The following PDE3A variants were observed in gnomAD, a reference collection of about 807,000 sequenced individuals.
The protein encoded by PDE3A is phosphodiesterase 3A, also known as cGMP-inhibited 3',5'-cyclic phosphodiesterase 3A.
In PDE3A, 43 loss-of-function variants were observed where a neutral mutation model predicts 98.3. The ratio of observed to expected loss-of-function variants is 0.44; its 90% CI spans 0.34 to 0.56. PDE3A has a LOEUF of 0.56. Among genes scored for constraint, PDE3A ranks in the 20% least tolerant of loss-of-function variants. PDE3A has a pLI of 0.01. For synonymous variants in PDE3A, 663 were observed against 567.9 expected, an observed-to-expected ratio of 1.17 and a Z score of -2.38; for missense variants, 1,427 against 1,440.7, an observed-to-expected ratio of 0.99 and a Z score of 0.15.
chr12:20,657,566 A>C (rs1365973583), intron 15 of PDE3A, among the ~76,000 whole-genome samples: 1 of 152,186 alleles, frequency 6.6e-6, no homozygotes, highest in Non-Finnish European at 1.5e-5. Context: ...CCTACAGTGA[A>C]CTAAGAGGTT....
chr12:20,369,821 C>G lies in PDE3A; in HGVS notation c.537C>G (p.Gly179=). ...GGEALVQIGL[G]VGEDHLLSLP... is the part of the protein sequence containing the mutation. ...AAGCGCTCGTCCAGATTGGGCTGGG[C>G]GTCGGGGAGGATCACTTACTCTCAC... is the stretch of plus-strand genomic sequence containing the variant. The change falls in exon 1 of 16, where the codon GGC becomes GGG. Residue 179 remains glycine, a synonymous_variant. Coordinates refer to ENST00000359062, the MANE Select transcript of PDE3A (RefSeq NM_000921.5). The G allele has an allele frequency of 6.2e-7, 1 of 1,611,486 alleles. No homozygotes were observed. The highest frequency in any genetic ancestry group is 8.5e-7 in the Non-Finnish European group (1 of 1,179,360).
chr12:20,576,749 A>T (rs1942940705), intron 2 of PDE3A, among the ~76,000 whole-genome samples: 1 of 152,144 alleles, frequency 6.6e-6, no homozygotes, highest in East Asian at 1.9e-4. Flanking sequence ...CAGTTACAGA[A>T]AAGATATTGA....
intron 1 of PDE3A, among the ~76,000 whole-genome samples, chr12:20,541,888 T>C (rs1941921920): frequency 6.6e-6 from 1 of 152,126 alleles, no homozygotes; most frequent in African/African-American, 2.4e-5. Context: ...AGTCTTATAA[T>C]AAATTACTTT....
At chr12:20,667,426 A>T (rs1013837250) in intron 15 of PDE3A, among the ~76,000 whole-genome samples, 1 of 152,090 alleles carries the variant, frequency 6.6e-6, no homozygotes, top group African/African-American at 2.4e-5. Context: ...TTAAGTCTTT[A>T]ATCTATCTTG....
chr12:20,642,648 C>G (rs529088297), intron 10 of PDE3A, among the ~76,000 whole-genome samples: 5 of 152,212 alleles, frequency 3.3e-5, no homozygotes, highest in Admixed American at 6.5e-5. Flanking sequence ...GGGAGAATGC[C>G]TCAGAAGTAC....
chr12:20,420,829 A>G (rs905569997), intron 1 of PDE3A, among the ~76,000 whole-genome samples: 13 of 152,194 alleles, frequency 8.5e-5, no homozygotes, highest in African/African-American at 2.7e-4. Context: ...CAGATTACAC[A>G]TAAGTTATTG....
At chr12:20,663,490 C>T (rs1016132146) in intron 15 of PDE3A, among the ~76,000 whole-genome samples, 4 of 152,066 alleles carry the variant, frequency 2.6e-5, no homozygotes, top group African/African-American at 9.7e-5. Flanking sequence ...GCAAAGCTGC[C>T]CAAGGCTGTG....
At chr12:20,615,016 CTTTTTTTTTTTTTT>C (rs11313010) in intron 3 of PDE3A, among the ~76,000 whole-genome samples, 1 of 59,128 alleles carries the variant, frequency 1.7e-5, no homozygotes, top group Non-Finnish European at 3.1e-5. Flanking sequence ...TTCTCTCTTT[CTTTTTTTTTTTTTT>C]TTTTTTTTTG....
At chr12:20,569,934 G>A (rs985597005) in intron 2 of PDE3A, among the ~76,000 whole-genome samples, 5 of 152,072 alleles carry the variant, frequency 3.3e-5, no homozygotes, top group African/African-American at 7.2e-5. Flanking sequence ...ATTCTGCACT[G>A]GCCAGATGAC....
At chr12:20,613,803 G>A in intron 3 of PDE3A, 103 bp downstream of exon 3, 1 of 796,180 alleles carries the variant, frequency 1.3e-6, no homozygotes, top group Non-Finnish European at 2.0e-6. Context: ...ATTCATATCA[G>A]TGACTCAGGC....
At chr12:20,663,513 T>G (rs1945233314) in intron 15 of PDE3A, among the ~76,000 whole-genome samples, 1 of 152,168 alleles carries the variant, frequency 6.6e-6, no homozygotes, top group Admixed American at 6.5e-5. Flanking sequence ...AGCACACCTC[T>G]TGCATCATTT....
At chr12:20,602,894 G>A (rs1187788662) in intron 2 of PDE3A, among the ~76,000 whole-genome samples, 1 of 152,136 alleles carries the variant, frequency 6.6e-6, no homozygotes, top group African/African-American at 2.4e-5. Context: ...TCCTATGAAA[G>A]TATAAACACA....
intron 2 of PDE3A, among the ~76,000 whole-genome samples, chr12:20,576,912 A>C (rs1942945170): frequency 6.9e-6 from 1 of 144,640 alleles, no homozygotes; most frequent in African/African-American, 2.5e-5. Context: ...TAAAAGGATA[A>C]GTTGGAAACA....
At chr12:20,387,327 T>G (rs1026569269) in intron 1 of PDE3A, among the ~76,000 whole-genome samples, 6 of 152,106 alleles carry the variant, frequency 3.9e-5, no homozygotes, top group Non-Finnish European at 1.5e-5. Flanking sequence ...AATGGTAGTT[T>G]AATGGGAATA....
At chr12:20,622,820 A>C (rs1166813509) in intron 5 of PDE3A, among the ~76,000 whole-genome samples, 1 of 152,026 alleles carries the variant, frequency 6.6e-6, no homozygotes, top group Non-Finnish European at 1.5e-5. Flanking sequence ...ATATATATGG[A>C]TACTTTTGGA....
chr12:20,483,105 A>C (rs1591977564), intron 1 of PDE3A, among the ~76,000 whole-genome samples: 1 of 151,928 alleles, frequency 6.6e-6, no homozygotes, highest in Non-Finnish European at 1.5e-5. Context: ...AAACTTCTAA[A>C]AGAGGCCTTA....
At position 20,681,490 on chromosome 12, in the gene PDE3A, A is replaced by G. The variant is rs1427471504; in HGVS notation, c.*1219A>G. ...GTTATATAGCAAGAGATGAAGGAGA[A>G]TATTTCAACACAGGGTTTTTGTGTT... On this transcript the variant is annotated 3_prime_UTR_variant, in exon 16 of 16. Transcript: ENST00000359062. 1 of 152,216 alleles carries G rather than the reference A, an allele frequency of 6.6e-6. No homozygotes were observed. Among genetic ancestry groups the G allele is most frequent in the Non-Finnish European group, 1.5e-5 (1 of 68,044 alleles). 9.4% of individuals were successfully genotyped at this position (152,216 alleles called of 1,614,324 possible). A position where few individuals can be genotyped will look rare whatever the true frequency, so the allele number is the denominator to read the frequency against.
At chr12:20,645,070 G>A (rs1358413125) in intron 10 of PDE3A, among the ~76,000 whole-genome samples, 1 of 151,714 alleles carries the variant, frequency 6.6e-6, no homozygotes, top group Non-Finnish European at 1.5e-5. Flanking sequence ...TGTATTTTTG[G>A]TATAGACGGG....
chr12:20,522,484 G>A (rs1194773008), intron 1 of PDE3A, among the ~76,000 whole-genome samples: 1 of 152,194 alleles, frequency 6.6e-6, no homozygotes, highest in Admixed American at 6.5e-5. Flanking sequence ...AGAAAAGGCT[G>A]AGTTTTACAA....
Sources: gnomAD v4.1 joint callset for allele counts (sites outside exome capture counted in the v4.1 genomes callset) on GRCh38, gnomAD v4.1.1 for gene constraint, MANE v1.5 for transcripts, NCBI Gene and HGNC (gene_info 2026-07-23, HGNC 2026-07-21) for gene names.